CHCHD6: variants seen among roughly 807,000 people sequenced by gnomAD.
CHCHD6 encodes MICOS complex subunit MIC25.
In CHCHD6, 28 loss-of-function variants were observed where a neutral mutation model predicts 32.3. That is an observed-to-expected ratio of 0.87 (90% CI 0.64 to 1.19). The LOEUF (loss-of-function observed/expected upper bound fraction) is 1.19, where lower values mean the gene tolerates loss of function less well. Ranked by LOEUF, CHCHD6 falls within the 50% of genes most tolerant of loss-of-function variation. The pLI is 0.00. For missense variants in CHCHD6, 333 were observed against 307.0 expected, an observed-to-expected ratio of 1.08 and a Z score of -0.63; for synonymous variants, 122 against 117.5, an observed-to-expected ratio of 1.04 and a Z score of -0.25.
intron 1 of CHCHD6, among the ~76,000 whole-genome samples, chr3:126,724,052 C>T (rs766385241): frequency 6.6e-6 from 1 of 152,134 alleles, no homozygotes; most frequent in Non-Finnish European, 1.5e-5. Flanking sequence ...TTTGGTTATC[C>T]AGTCTTCATT....
intron 4 of CHCHD6, among the ~76,000 whole-genome samples, chr3:126,787,776 G>A (rs1174845845): frequency 2.6e-5 from 4 of 152,192 alleles, no homozygotes; most frequent in Non-Finnish European, 5.9e-5. Context: ...AGCAAACAGG[G>A]ACAGTTTGAC....
chr3:126,845,796 G>C (rs1004983956), intron 4 of CHCHD6, among the ~76,000 whole-genome samples: 46 of 152,180 alleles, frequency 3.0e-4, no homozygotes, highest in Admixed American at 2.5e-3. Context: ...ATTTGGTTCT[G>C]TTTTATAGTT....
chr3:126,864,900 C>T (rs1942203925), intron 5 of CHCHD6, among the ~76,000 whole-genome samples: 1 of 150,322 alleles, frequency 6.7e-6, no homozygotes, highest in Non-Finnish European at 1.5e-5. Context: ...CCATCACCTC[C>T]TCCTCCACCA....
At chr3:126,730,667 T>TC in intron 3 of CHCHD6, 37 bp downstream of exon 3, 1 of 1,580,448 alleles carries the variant, frequency 6.3e-7, no homozygotes, top group South Asian at 1.1e-5. Context: ...GGCACTGCGC[T>TC]CCGCCTAAAA....
At chr3:126,856,933 G>C (rs1038313476) in intron 5 of CHCHD6, among the ~76,000 whole-genome samples, 5 of 152,184 alleles carry the variant, frequency 3.3e-5, no homozygotes, top group African/African-American at 1.2e-4. Flanking sequence ...TTGAAATGGG[G>C]ATTTAGGACT....
At chr3:126,956,143 A>ATC (rs2078780323) in intron 6 of CHCHD6, among the ~76,000 whole-genome samples, 1 of 152,116 alleles carries the variant, frequency 6.6e-6, no homozygotes. Context: ...TGACCTACAT[A>ATC]TCTCTCTCTC....
At chr3:126,864,732 T>C (rs1322755677) in intron 5 of CHCHD6, among the ~76,000 whole-genome samples, 161 of 45,284 alleles carry the variant, frequency 3.6e-3, no homozygotes, top group Admixed American at 4.1e-3. Flanking sequence ...TCATCTCCTC[T>C]TCCTCCTCCA....
At chr3:126,793,872 T>C (rs1309332577) in intron 4 of CHCHD6, among the ~76,000 whole-genome samples, 5 of 152,188 alleles carry the variant, frequency 3.3e-5, no homozygotes, top group Non-Finnish European at 5.9e-5. Context: ...TTACCAGATA[T>C]AGACTGTTGG....
chr3:126,907,455 T>C (rs2078023237), intron 5 of CHCHD6, among the ~76,000 whole-genome samples: 2 of 152,258 alleles, frequency 1.3e-5, no homozygotes, highest in South Asian at 4.1e-4. Context: ...TATTGATTAT[T>C]TGGACCTTTT....
chr3:126,851,407 T>C (rs1941470187), intron 4 of CHCHD6, among the ~76,000 whole-genome samples: 1 of 152,246 alleles, frequency 6.6e-6, no homozygotes, highest in African/African-American at 2.4e-5. Flanking sequence ...TTGGAAGTCA[T>C]ATGAACTTAG....
intron 6 of CHCHD6, among the ~76,000 whole-genome samples, chr3:126,926,031 T>C (rs1354774517): frequency 1.3e-5 from 2 of 152,184 alleles, no homozygotes; most frequent in African/African-American, 2.4e-5. Flanking sequence ...ACAGACGCAC[T>C]CCCAGCCACC....
At chr3:126,859,026 C>T (rs1389317873) in intron 5 of CHCHD6, among the ~76,000 whole-genome samples, 1 of 152,262 alleles carries the variant, frequency 6.6e-6, no homozygotes, top group African/African-American at 2.4e-5. Context: ...GCTGTCTGCT[C>T]TGCATCTGTG....
intron 6 of CHCHD6, among the ~76,000 whole-genome samples, chr3:126,934,725 A>G (rs549012206): frequency 6.6e-6 from 1 of 151,080 alleles, no homozygotes; most frequent in South Asian, 2.1e-4. Flanking sequence ...ATTTTTTTGT[A>G]TTTTTAGTAG....
intron 6 of CHCHD6, among the ~76,000 whole-genome samples, chr3:126,946,968 G>A (rs1244654836): frequency 6.6e-6 from 1 of 152,262 alleles, no homozygotes; most frequent in Admixed American, 6.5e-5. Flanking sequence ...ATAAGTTGAT[G>A]AGATTCCATT....
chr3:126,777,324 G>C (rs1221336461), intron 4 of CHCHD6, among the ~76,000 whole-genome samples: 4 of 152,112 alleles, frequency 2.6e-5, no homozygotes, highest in African/African-American at 9.7e-5. Context: ...TTGCAGTTCA[G>C]TACACTCAGT....
chr3:126,837,771 G>A (rs1392858861), intron 4 of CHCHD6, among the ~76,000 whole-genome samples: 1 of 152,146 alleles, frequency 6.6e-6, no homozygotes, highest in African/African-American at 2.4e-5. Flanking sequence ...CCAATATCTA[G>A]GTGTTGCTAA....
chr3:126,832,748 T>C (rs948549099), intron 4 of CHCHD6, among the ~76,000 whole-genome samples: 2 of 152,176 alleles, frequency 1.3e-5, no homozygotes, highest in Non-Finnish European at 2.9e-5. Context: ...ACTCAAGTAA[T>C]GCCTCCTGGT....
At chr3:126,896,199 G>A (rs1576570223) in intron 5 of CHCHD6, among the ~76,000 whole-genome samples, 1 of 152,282 alleles carries the variant, frequency 6.6e-6, no homozygotes, top group East Asian at 1.9e-4. Context: ...TACTTTTCAA[G>A]ATAAAACACG....
intron 4 of CHCHD6, among the ~76,000 whole-genome samples, chr3:126,838,891 C>A (rs1444052454): frequency 2.0e-5 from 3 of 150,408 alleles, no homozygotes; most frequent in African/African-American, 7.3e-5. Flanking sequence ...CTTCTTTTTT[C>A]CTTTTTTTTT....
Sources: gnomAD v4.1 joint callset for allele counts (sites outside exome capture counted in the v4.1 genomes callset) on GRCh38, gnomAD v4.1.1 for gene constraint, MANE v1.5 for transcripts, NCBI Gene and HGNC (gene_info 2026-07-23, HGNC 2026-07-21) for gene names.